The following ARHGAP15 variants were observed in gnomAD, a reference collection of about 807,000 sequenced individuals.
ARHGAP15 encodes rho GTPase-activating protein 15.
Under a neutral mutation model 63.7 loss-of-function variants are expected in ARHGAP15, and 51 were observed. The observed-to-expected ratio is 0.80, with a 90% CI of 0.64 to 1.01. The LOEUF is 1.01. Ranked by LOEUF, ARHGAP15 falls within the 50% of genes least tolerant of loss-of-function variation. The pLI, the probability that ARHGAP15 is intolerant of heterozygous loss-of-function variation, is 0.00. For synonymous variants in ARHGAP15, 191 were observed against 193.8 expected, an observed-to-expected ratio of 0.99 and a Z score of 0.12; for missense variants, 560 against 564.6, an observed-to-expected ratio of 0.99 and a Z score of 0.08.
intron 6 of ARHGAP15, among the ~76,000 whole-genome samples, chr2:143,266,864 G>A (rs1327446003): frequency 2.0e-5 from 3 of 152,142 alleles, no homozygotes; most frequent in Non-Finnish European, 2.9e-5. Flanking sequence ...ATAGTTCCAT[G>A]TATGGCCCCT....
chr2:143,439,517 C>T (rs1358119535), intron 8 of ARHGAP15, among the ~76,000 whole-genome samples: 1 of 68,562 alleles, frequency 1.5e-5, no homozygotes, highest in African/African-American at 4.3e-5. Context: ...TTCATACTCA[C>T]CTTTTACTTT....
intron 12 of ARHGAP15, among the ~76,000 whole-genome samples, chr2:143,649,374 C>T (rs1424429490): frequency 1.3e-5 from 2 of 151,974 alleles, no homozygotes; most frequent in African/African-American, 4.8e-5. Context: ...TATGGAAGTG[C>T]AAAATGGCAT....
At chr2:143,179,414 G>C (rs1052476622) in intron 2 of ARHGAP15, among the ~76,000 whole-genome samples, 1 of 152,158 alleles carries the variant, frequency 6.6e-6, no homozygotes, top group African/African-American at 2.4e-5. Flanking sequence ...TAGCTCAACT[G>C]TGTCTAAGCA....
intron 11 of ARHGAP15, among the ~76,000 whole-genome samples, chr2:143,609,347 C>T (rs1359530571): frequency 6.6e-6 from 1 of 152,116 alleles, no homozygotes; most frequent in Non-Finnish European, 1.5e-5. Context: ...CATCTGGGCA[C>T]AACAAGGCAT....
intron 6 of ARHGAP15, among the ~76,000 whole-genome samples, chr2:143,295,004 A>G (rs1239467671): frequency 6.6e-6 from 1 of 151,976 alleles, no homozygotes; most frequent in Non-Finnish European, 1.5e-5. Flanking sequence ...TTTGGTTAAT[A>G]CTCAGGGTGA....
intron 2 of ARHGAP15, among the ~76,000 whole-genome samples, chr2:143,194,728 G>A (rs950128988): frequency 6.6e-5 from 10 of 151,838 alleles, no homozygotes; most frequent in South Asian, 2.1e-4. Flanking sequence ...ACGATCTAGC[G>A]AAAATATACA....
chr2:143,284,596 A>G (rs563565834), intron 6 of ARHGAP15, among the ~76,000 whole-genome samples: 31 of 152,314 alleles, frequency 2.0e-4, no homozygotes, highest in Admixed American at 9.2e-4. Context: ...AACCCAAAAG[A>G]ATGGAGCCGT....
intron 6 of ARHGAP15, among the ~76,000 whole-genome samples, chr2:143,353,796 C>T (rs1024931358): frequency 3.9e-5 from 6 of 152,108 alleles, no homozygotes; most frequent in South Asian, 2.1e-4. Flanking sequence ...GATTATCCTG[C>T]AGTGTCTTAG....
chr2:143,282,676 T>C (rs1437451909), intron 6 of ARHGAP15, among the ~76,000 whole-genome samples: 2 of 152,110 alleles, frequency 1.3e-5, no homozygotes, highest in Non-Finnish European at 2.9e-5. Flanking sequence ...AAATATTAAT[T>C]GCTCCATCTT....
chr2:143,459,109 G>A (rs1044267082), intron 8 of ARHGAP15, among the ~76,000 whole-genome samples: 17 of 152,116 alleles, frequency 1.1e-4, no homozygotes, highest in African/African-American at 3.9e-4. Context: ...TTCAATTAAA[G>A]ACCACATTTA....
chr2:143,390,233 A>T (rs1057097429), intron 6 of ARHGAP15, among the ~76,000 whole-genome samples: 1 of 152,078 alleles, frequency 6.6e-6, no homozygotes, highest in East Asian at 1.9e-4. Context: ...CTCTGACATA[A>T]ACGTTACATG....
intron 9 of ARHGAP15, among the ~76,000 whole-genome samples, chr2:143,492,082 A>G (rs1476039992): frequency 6.6e-6 from 1 of 152,052 alleles, no homozygotes; most frequent in East Asian, 1.9e-4. Context: ...GGGTTTCACC[A>G]TGTTGCCCAG....
chr2:143,551,396 T>C (rs1462949739), intron 10 of ARHGAP15, among the ~76,000 whole-genome samples: 1 of 152,092 alleles, frequency 6.6e-6, no homozygotes, highest in Non-Finnish European at 1.5e-5. Flanking sequence ...CTCAAGTGAT[T>C]CTCCTGCCTT....
At chr2:143,341,928 G>A (rs1685076193) in intron 6 of ARHGAP15, among the ~76,000 whole-genome samples, 1 of 152,070 alleles carries the variant, frequency 6.6e-6, no homozygotes, top group African/African-American at 2.4e-5. Context: ...TCAGTTAGAT[G>A]ATATAAAAAG....
chr2:143,519,324 G>A lies in ARHGAP15; in HGVS notation c.885G>A (p.Pro295=), dbSNP rs752498477. Residue 295 remains proline (P), a synonymous_variant, in exon 10 of 14, where the codon CCG becomes CCA. Coordinates refer to ENST00000295095, the MANE Select transcript of ARHGAP15 (RefSeq NM_018460.4). ...GTGAACGTGAAAATTCCACAGTTCC[G>A]TGGTTTGTAAAGCAATGCATTGAAG... The part of the protein sequence containing the change: ...KVCERENSTV[P]WFVKQCIEAV... 1.9e-5 allele frequency: 30 copies of A among 1,612,998 alleles called. No individual in the cohort carries two copies. Among genetic ancestry groups the A allele is most frequent in the Admixed American group, 1.3e-4 (8 of 59,992 alleles).
chr2:143,688,317 A>T (rs886998811), intron 12 of ARHGAP15, among the ~76,000 whole-genome samples: 2 of 152,210 alleles, frequency 1.3e-5, no homozygotes, highest in African/African-American at 2.4e-5. Flanking sequence ...GGAATAAAAA[A>T]CTTGTTTAGT....
chr2:143,398,725 A>T (rs551135760), intron 6 of ARHGAP15, among the ~76,000 whole-genome samples: 1 of 152,044 alleles, frequency 6.6e-6, no homozygotes. Context: ...TTAGATTTAA[A>T]CTTCCCTATC....
chr2:143,691,752 C>T (rs1232755863), intron 12 of ARHGAP15, among the ~76,000 whole-genome samples: 1 of 152,134 alleles, frequency 6.6e-6, no homozygotes, highest in African/African-American at 2.4e-5. Context: ...TTGGAGAATT[C>T]ATCAATTTAC....
chr2:143,131,102 T>C (rs2104975466), intron 1 of ARHGAP15, among the ~76,000 whole-genome samples: 1 of 152,334 alleles, frequency 6.6e-6, no homozygotes, highest in South Asian at 2.1e-4. Context: ...AATGAGTGTT[T>C]CTTGCAGAAA....
Sources: gnomAD v4.1 joint callset for allele counts (sites outside exome capture counted in the v4.1 genomes callset) on GRCh38, gnomAD v4.1.1 for gene constraint, MANE v1.5 for transcripts, NCBI Gene and HGNC (gene_info 2026-07-23, HGNC 2026-07-21) for gene names.